Variants in CIMIP6 observed in about 807,000 individuals in gnomAD.
The protein encoded by CIMIP6 is ciliary microtubule inner protein 6.
At chr2:54,335,464 G>A in the CIMIP6 span, among the ~76,000 whole-genome samples, 1 of 152,084 alleles carries the variant, frequency 6.6e-6, no homozygotes, top group African/African-American at 2.4e-5. Flanking sequence ...TTTCTATGAA[G>A]TCTTATTGGA....
the CIMIP6 span, among the ~76,000 whole-genome samples, chr2:54,344,161 A>G: frequency 6.6e-6 from 1 of 152,184 alleles, no homozygotes; most frequent in African/African-American, 2.4e-5. Flanking sequence ...TTGCCACCAC[A>G]TTTTAAGAGT....
the CIMIP6 span, among the ~76,000 whole-genome samples, chr2:54,363,109 T>G: frequency 6.6e-6 from 1 of 152,240 alleles, no homozygotes; most frequent in Non-Finnish European, 1.5e-5. Context: ...GTTTGCTCTC[T>G]CAATTCTATT....
chr2:54,333,086 G>A, the CIMIP6 span, among the ~76,000 whole-genome samples: 1 of 152,186 alleles, frequency 6.6e-6, no homozygotes, highest in Non-Finnish European at 1.5e-5. Context: ...TATAATGGCA[G>A]TCCATTTACC....
chr2:54,359,394 A>G, the CIMIP6 span, among the ~76,000 whole-genome samples: 4 of 152,082 alleles, frequency 2.6e-5, no homozygotes, highest in Non-Finnish European at 4.4e-5. Context: ...ATCTCAATCA[A>G]TCAATCCAAA....
At chr2:54,363,782 T>G in the CIMIP6 span, among the ~76,000 whole-genome samples, 1 of 152,200 alleles carries the variant, frequency 6.6e-6, no homozygotes, top group South Asian at 2.1e-4. Context: ...TCCACCATCT[T>G]GAGTCAATCT....
At chr2:54,334,344 G>A in the CIMIP6 span, among the ~76,000 whole-genome samples, 6 of 152,080 alleles carry the variant, frequency 3.9e-5, no homozygotes, top group African/African-American at 1.2e-4. Flanking sequence ...GTGCTCCTTT[G>A]GTAGCTTTAA....
At chr2:54,360,461 G>T in the CIMIP6 span, 1 of 1,582,344 alleles carries the variant, frequency 6.3e-7, no homozygotes, top group Non-Finnish European at 8.6e-7. Context: ...CAGCACTCCT[G>T]AGAGCAGAGA....
the CIMIP6 span, among the ~76,000 whole-genome samples, chr2:54,370,618 G>A: frequency 3.1e-3 from 471 of 152,286 alleles, 17 homozygotes; most frequent in East Asian, 0.081. Context: ...CTCCTAAGCT[G>A]ACACTGGTTA....
the CIMIP6 span, among the ~76,000 whole-genome samples, chr2:54,332,984 ATGT>A: frequency 7.2e-5 from 11 of 152,346 alleles, no homozygotes; most frequent in African/African-American, 2.6e-4. Flanking sequence ...AGGATTCTGA[ATGT>A]TGTTTTTATG....
the CIMIP6 span, among the ~76,000 whole-genome samples, chr2:54,346,854 C>A: frequency 1.3e-5 from 2 of 152,162 alleles, no homozygotes; most frequent in Non-Finnish European, 2.9e-5. Context: ...CCTTTAGATT[C>A]TCCAGTTACT....
the CIMIP6 span, among the ~76,000 whole-genome samples, chr2:54,340,847 C>G: frequency 6.6e-6 from 1 of 152,050 alleles, no homozygotes; most frequent in Admixed American, 6.6e-5. Context: ...TGCCTATAGT[C>G]CCTGCTACTC....
chr2:54,358,478 T>C, the CIMIP6 span, among the ~76,000 whole-genome samples: 2 of 152,142 alleles, frequency 1.3e-5, no homozygotes, highest in African/African-American at 4.8e-5. Context: ...CATGGCTCAC[T>C]GCAGCCTTGA....
chr2:54,374,084 C>G, the CIMIP6 span, among the ~76,000 whole-genome samples: 9 of 152,210 alleles, frequency 5.9e-5, no homozygotes, highest in East Asian at 1.9e-4. Context: ...CACCCAGACT[C>G]CTGAGGTCAG....
chr2:54,342,855 G>C, the CIMIP6 span, among the ~76,000 whole-genome samples: 2 of 152,076 alleles, frequency 1.3e-5, no homozygotes, highest in Admixed American at 1.3e-4. Flanking sequence ...ACTCCTAGGT[G>C]TCATAGGGTT....
chr2:54,383,506 G>C, the CIMIP6 span: 1 of 152,200 alleles, frequency 6.6e-6, no homozygotes, highest in African/African-American at 2.4e-5. Context: ...GGACCTCTGA[G>C]TCATTTGGAG....
At chr2:54,333,630 T>C in the CIMIP6 span, among the ~76,000 whole-genome samples, 1 of 152,164 alleles carries the variant, frequency 6.6e-6, no homozygotes, top group Non-Finnish European at 1.5e-5. Flanking sequence ...GGTTCACGCC[T>C]GTAATCCCAC....
chr2:54,379,239 G>GT, the CIMIP6 span, among the ~76,000 whole-genome samples: 1 of 152,210 alleles, frequency 6.6e-6, no homozygotes, highest in Non-Finnish European at 1.5e-5. Flanking sequence ...TCTCTGGAAA[G>GT]TGACCTGGCT....
At chr2:54,375,198 T>C in the CIMIP6 span, among the ~76,000 whole-genome samples, 1 of 151,954 alleles carries the variant, frequency 6.6e-6, no homozygotes, top group Non-Finnish European at 1.5e-5. Flanking sequence ...TTTAATAAAG[T>C]TAAAAGATAA....
At chr2:54,341,003 A>G in the CIMIP6 span, among the ~76,000 whole-genome samples, 6 of 152,198 alleles carry the variant, frequency 3.9e-5, no homozygotes, top group African/African-American at 1.4e-4. Flanking sequence ...ATTAAAGTCC[A>G]TCAGCCATTT....
Sources: gnomAD v4.1 joint callset for allele counts (sites outside exome capture counted in the v4.1 genomes callset) on GRCh38, gnomAD v4.1.1 for gene constraint, MANE v1.5 for transcripts, NCBI Gene and HGNC (gene_info 2026-07-23, HGNC 2026-07-21) for gene names.